The following TNFAIP8L3 variants were observed in gnomAD, a reference collection of about 807,000 sequenced individuals.
TNFAIP8L3 encodes TNF alpha induced protein 8 like 3.
A neutral mutation model predicts 11.8 loss-of-function variants in TNFAIP8L3; 7 were observed. The observed-to-expected ratio is 0.59, with a 90% CI of 0.34 to 1.11. The LOEUF is 1.11. Ranked by LOEUF, TNFAIP8L3 falls within the 50% of genes most tolerant of loss-of-function variation. TNFAIP8L3 has a pLI of 0.03. For missense variants in TNFAIP8L3, 219 were observed against 258.6 expected, an observed-to-expected ratio of 0.85 and a Z score of 1.05; for synonymous variants, 98 against 103.8, an observed-to-expected ratio of 0.94 and a Z score of 0.34.
intron 1 of TNFAIP8L3, among the ~76,000 whole-genome samples, chr15:51,103,902 T>G (rs946194712): frequency 2.3e-5 from 3 of 129,314 alleles, no homozygotes; most frequent in Non-Finnish European, 3.3e-5. Context: ...TAGGTGATAT[T>G]GCTGCAAGAG....
At chr15:51,096,251 TA>T (rs1293851231), upstream of TNFAIP8L3, among the ~76,000 whole-genome samples, 1 of 152,140 alleles carries the variant, frequency 6.6e-6, no homozygotes, top group Non-Finnish European at 1.5e-5. Context: ...AGTGTGGGCT[TA>T]ACAGAGTGCA....
intron 1 of TNFAIP8L3, among the ~76,000 whole-genome samples, chr15:51,104,502 T>C (rs2065575598): frequency 6.6e-6 from 1 of 152,214 alleles, no homozygotes; most frequent in Non-Finnish European, 1.5e-5. Flanking sequence ...ATCTGCGCCA[T>C]GTCAGTCTGT....
chr15:51,070,782 C>T (rs1026415231), intron 1 of TNFAIP8L3, among the ~76,000 whole-genome samples: 9 of 152,100 alleles, frequency 5.9e-5, no homozygotes, highest in African/African-American at 1.7e-4. Context: ...CGCGGTGGCT[C>T]ACGCCTGTAA....
In TNFAIP8L3 at chr15:51,057,924, A is replaced by T; in HGVS notation, c.572T>A (p.Ile191Asn). 6.3e-7 allele frequency: 1 copy of T among 1,598,518 alleles called. No homozygotes were observed. Among genetic ancestry groups the T allele is most frequent in the Non-Finnish European group, 8.5e-7 (1 of 1,173,988 alleles). Residue 191 changes from isoleucine (I) to asparagine (N), a missense_variant, in exon 2 of 2, where the codon ATT (isoleucine) becomes AAT (asparagine). Ile to Asn is a moderately radical substitution (Grantham distance 149). Coordinates refer to ENST00000637513, the MANE Select transcript of TNFAIP8L3 (RefSeq NM_001311175.2). ...TAGCAACTTATTGATTCCTTCACAA[A>T]TCCTCTTGAGGTTGGGCCTACAGTC... ...DGDCRPNLKR[I>N]CEGINKLLDE... is the part of the protein sequence containing the mutation.
Position 51,057,968 on chromosome 15 carries a change from G to A in TNFAIP8L3, c.528C>T (p.Thr176=), listed in dbSNP as rs2065216916. Residue 176 remains threonine (T), a synonymous_variant, in exon 2 of 2, where the codon ACC becomes ACT. Transcript: ENST00000637513. Reference sequence around the variant, plus strand: ...TACAGTCTCCATCCAGACTATAGAGGGTGGAGAGGAACTCCACATCGGCAA... The same window carrying A: ...TACAGTCTCCATCCAGACTATAGAGAGTGGAGAGGAACTCCACATCGGCAA... The part of the protein sequence containing the change: ...NHFADVEFLS[T]LYSLDGDCRP... 1.2e-6 allele frequency: 2 copies of A among 1,614,098 alleles called. No homozygotes were observed. The highest frequency in any genetic ancestry group is 1.7e-6 in the Non-Finnish European group (2 of 1,179,994).
rs138037197 is a variant in TNFAIP8L3 at position 51,065,142 on chromosome 15, G to C, written c.53-6699C>G. Among the ~76,000 whole-genome samples, 540 of 152,336 alleles carry C rather than the reference G, an allele frequency of 3.5e-3. 1 individual carries two copies. The highest frequency in any genetic ancestry group is 5.6e-3 in the South Asian group (27 of 4,824). On this transcript the variant is annotated intron_variant, in intron 1 of 1. Transcript: ENST00000637513. Reference sequence around the variant, plus strand: ...TAGCGATAGCAAATTCATCCTGGTAGAAAGACAGGGGGCTTCCTTAAACCA... The same window carrying C: ...TAGCGATAGCAAATTCATCCTGGTACAAAGACAGGGGGCTTCCTTAAACCA...
chr15:51,064,536 A>G (rs749447125), intron 1 of TNFAIP8L3: 2 of 152,184 alleles, frequency 1.3e-5, no homozygotes, highest in Non-Finnish European at 2.9e-5. Context: ...GCATTATAGG[A>G]AATACTGGGA....
At chr15:51,063,347 G>A (rs1304932442) in intron 1 of TNFAIP8L3, among the ~76,000 whole-genome samples, 1 of 152,164 alleles carries the variant, frequency 6.6e-6, no homozygotes, top group Non-Finnish European at 1.5e-5. Context: ...CCCAGGCAGT[G>A]GAATTTCATT....
chr15:51,059,896 G>A (rs995801449), intron 1 of TNFAIP8L3, among the ~76,000 whole-genome samples: 1 of 152,142 alleles, frequency 6.6e-6, no homozygotes, highest in Admixed American at 6.5e-5. Flanking sequence ...GCTCCTTCTG[G>A]GTCAGCAGAA....
At chr15:51,097,945 A>C (rs756052360), upstream of TNFAIP8L3, among the ~76,000 whole-genome samples, 1 of 152,156 alleles carries the variant, frequency 6.6e-6, no homozygotes, top group Non-Finnish European at 1.5e-5. Flanking sequence ...CACTTTGCAG[A>C]CTTGAATCTA....
rs1404705580 is a variant in TNFAIP8L3 at position 51,070,923 on chromosome 15, C to T, written c.53-12480G>A. Among the ~76,000 whole-genome samples, 114 of 146,894 alleles carry T rather than the reference C, an allele frequency of 7.8e-4. 1 individual carries two copies. The highest frequency in any genetic ancestry group is 2.7e-3 in the African/African-American group (109 of 40,496). ...AAAATTAGCCGGGCGTAGTGGCGGGCGCCTGTAGTCCCAGCTACTTGGGAG... is the reference window on the plus strand; with the variant it reads ...AAAATTAGCCGGGCGTAGTGGCGGGTGCCTGTAGTCCCAGCTACTTGGGAG... On this transcript the variant is annotated intron_variant, in intron 1 of 1. Coordinates refer to ENST00000637513, the MANE Select transcript of TNFAIP8L3 (RefSeq NM_001311175.2).
At chr15:51,091,106 T>C (rs148065912) in intron 1 of TNFAIP8L3, among the ~76,000 whole-genome samples, 1 of 152,282 alleles carries the variant, frequency 6.6e-6, no homozygotes, top group East Asian at 1.9e-4. Flanking sequence ...AAACCTTGCC[T>C]CTTCCCTAAT....
At chr15:51,077,463 C>T (rs1388589738) in intron 1 of TNFAIP8L3, among the ~76,000 whole-genome samples, 1 of 152,240 alleles carries the variant, frequency 6.6e-6, no homozygotes, top group Non-Finnish European at 1.5e-5. Flanking sequence ...CTAAGCCAAG[C>T]ACGCCCTGCT....
chr15:51,065,664 G>GT (rs1491252195), intron 1 of TNFAIP8L3, among the ~76,000 whole-genome samples: 1 of 152,208 alleles, frequency 6.6e-6, no homozygotes, highest in Non-Finnish European at 1.5e-5. Flanking sequence ...AGTGGACAGG[G>GT]TGAGGGGACA....
Position 51,058,438 on chromosome 15 carries a change from C to A in TNFAIP8L3, c.58G>T (p.Asp20Tyr). 6.6e-7 allele frequency: 1 copy of A among 1,510,314 alleles called. No homozygotes were observed. 93.6% of individuals were successfully genotyped at this position (1,510,314 alleles called of 1,614,324 possible). ...EGEPVTAAGP[D>Y]VFSSKSLALQ... Reference sequence around the variant, plus strand: ...GCAAGACTCTTTGAACTAAAAACATCAGGACCTATGGTAAAAAAAATATAT... The same window carrying A: ...GCAAGACTCTTTGAACTAAAAACATAAGGACCTATGGTAAAAAAAATATAT... The change falls in exon 2 of 2, where the codon GAT becomes TAT. Residue 20 changes from aspartate (D) to tyrosine (Y), a missense_variant. Coordinates refer to ENST00000637513, the MANE Select transcript of TNFAIP8L3 (RefSeq NM_001311175.2).
At chr15:51,092,183 C>G (rs1239271859) in intron 1 of TNFAIP8L3, among the ~76,000 whole-genome samples, 1 of 152,164 alleles carries the variant, frequency 6.6e-6, no homozygotes, top group East Asian at 1.9e-4. Context: ...GAGGAAGCAG[C>G]CCTTATGTCT....
chr15:51,071,111 TATAA>T (rs1298633175), intron 1 of TNFAIP8L3, among the ~76,000 whole-genome samples: 1 of 134,402 alleles, frequency 7.4e-6, no homozygotes, highest in Non-Finnish European at 1.6e-5. Flanking sequence ...GTTTCAAACA[TATAA>T]ATAGATAAAA....
chr15:51,081,154 T>G (rs1595614305), intron 1 of TNFAIP8L3, among the ~76,000 whole-genome samples: 1 of 151,100 alleles, frequency 6.6e-6, no homozygotes, highest in East Asian at 2.0e-4. Context: ...CTTGTGGGGG[T>G]GGGTGGGGGC....
At chr15:51,073,444 C>T (rs1003480237) in intron 1 of TNFAIP8L3, among the ~76,000 whole-genome samples, 4 of 152,190 alleles carry the variant, frequency 2.6e-5, no homozygotes, top group Non-Finnish European at 5.9e-5. Flanking sequence ...TTACTTCTAG[C>T]TACCTTACAG....
Sources: gnomAD v4.1 joint callset for allele counts (sites outside exome capture counted in the v4.1 genomes callset) on GRCh38, gnomAD v4.1.1 for gene constraint, MANE v1.5 for transcripts, NCBI Gene and HGNC (gene_info 2026-07-23, HGNC 2026-07-21) for gene names.